The following DCC variants were observed in gnomAD, a reference collection of about 807,000 sequenced individuals.
DCC encodes DCC netrin 1 receptor.
DCC carries 58 observed loss-of-function variants against 172.5 expected under a neutral mutation model. That is an observed-to-expected ratio of 0.34 (90% confidence interval 0.27 to 0.42). DCC has a LOEUF of 0.42. Among genes scored for constraint, DCC ranks in the 10% least tolerant of loss-of-function variants. DCC has a pLI of 1.00. For missense variants in DCC, 1,740 were observed against 1,791.0 expected, an observed-to-expected ratio of 0.97 and a Z score of 0.51; for synonymous variants, 709 against 644.5, an observed-to-expected ratio of 1.10 and a Z score of -1.52.
At position 52,752,042 on chromosome 18, in the gene DCC, C is replaced by T. The variant is rs886274537; in HGVS notation, c.92-12C>T. On this transcript the variant is annotated splice_polypyrimidine_tract_variant and intron_variant, in intron 1 of 28. Coordinates refer to ENST00000442544, the MANE Select transcript of DCC (RefSeq NM_005215.4). ...ATACATGAACATATTTCCCTGTGCT[C>T]TCTTGTTCCAGGTTTTCAAATTAAA... The T allele has an allele frequency of 1.2e-6, 2 of 1,610,978 alleles. No individual in the cohort carries two copies. Among genetic ancestry groups the T allele is most frequent in the Non-Finnish European group, 1.7e-6 (2 of 1,177,272 alleles).
intron 3 of DCC, among the ~76,000 whole-genome samples, chr18:52,913,993 C>T (rs16955838): frequency 1.8e-4 from 27 of 152,048 alleles, no homozygotes; most frequent in Non-Finnish European, 3.8e-4. Flanking sequence ...TGATTCAACA[C>T]TGACAAAATG....
intron 2 of DCC, among the ~76,000 whole-genome samples, chr18:52,856,639 A>AAAAAG (rs1555673743): frequency 6.7e-6 from 1 of 150,358 alleles, no homozygotes; most frequent in African/African-American, 2.5e-5. Context: ...AAAAAAAAAA[A>AAAAAG]AAAAGAAAAC....
At chr18:52,530,892 A>C (rs2032129600) in intron 1 of DCC, among the ~76,000 whole-genome samples, 1 of 152,230 alleles carries the variant, frequency 6.6e-6, no homozygotes, top group Non-Finnish European at 1.5e-5. Context: ...AATTATTTTA[A>C]CAGGCTTTAG....
At chr18:53,420,849 A>AT (rs935332910) in intron 21 of DCC, among the ~76,000 whole-genome samples, 1 of 152,076 alleles carries the variant, frequency 6.6e-6, no homozygotes, top group African/African-American at 2.4e-5. Context: ...TCCTTCACTA[A>AT]TTTTTTCCCA....
At chr18:52,399,680 G>T (rs1202336404) in intron 1 of DCC, among the ~76,000 whole-genome samples, 1 of 151,838 alleles carries the variant, frequency 6.6e-6, no homozygotes, top group African/African-American at 2.4e-5. Flanking sequence ...TGAAACAGAG[G>T]TATTTGTTCT....
At chr18:52,424,861 A>G (rs1349282828) in intron 1 of DCC, among the ~76,000 whole-genome samples, 3 of 151,774 alleles carry the variant, frequency 2.0e-5, no homozygotes, top group Admixed American at 6.6e-5. Flanking sequence ...TATCTTATTT[A>G]TGTTATATTT....
chr18:52,852,875 T>C (rs890189499), intron 2 of DCC, among the ~76,000 whole-genome samples: 1 of 152,198 alleles, frequency 6.6e-6, no homozygotes, highest in Non-Finnish European at 1.5e-5. Flanking sequence ...TCATTTGGTC[T>C]ACCCAGCTGC....
intron 1 of DCC, among the ~76,000 whole-genome samples, chr18:52,474,359 T>C (rs544236454): frequency 1.3e-5 from 2 of 152,088 alleles, no homozygotes; most frequent in East Asian, 1.9e-4. Flanking sequence ...ATAAGACTCA[T>C]TAAAAGAGGG....
chr18:52,639,500 A>G (rs1034984821), intron 1 of DCC, among the ~76,000 whole-genome samples: 2 of 152,192 alleles, frequency 1.3e-5, no homozygotes, highest in African/African-American at 4.8e-5. Context: ...GCACTGAAAT[A>G]CAAGAGATCA....
At chr18:52,759,890 C>T (rs878939099) in intron 2 of DCC, among the ~76,000 whole-genome samples, 1 of 152,164 alleles carries the variant, frequency 6.6e-6, no homozygotes, top group Admixed American at 6.5e-5. Context: ...CTAGGGAAAG[C>T]TTTATATTTT....
At chr18:52,465,159 TA>T (rs1451864147) in intron 1 of DCC, among the ~76,000 whole-genome samples, 3 of 152,146 alleles carry the variant, frequency 2.0e-5, no homozygotes, top group Non-Finnish European at 4.4e-5. Context: ...GTAGCTCTTC[TA>T]AGCTTTTAAT....
intron 1 of DCC, among the ~76,000 whole-genome samples, chr18:52,438,128 G>C (rs1987856221): frequency 6.6e-6 from 1 of 152,194 alleles, no homozygotes; most frequent in Non-Finnish European, 1.5e-5. Flanking sequence ...CCAGGGGCCA[G>C]AGTTTCTTAC....
At chr18:52,669,845 AAAAAC>A (rs906701436) in intron 1 of DCC, among the ~76,000 whole-genome samples, 14 of 150,522 alleles carry the variant, frequency 9.3e-5, no homozygotes, top group African/African-American at 1.7e-4. Flanking sequence ...AAGCGTTTGA[AAAAAC>A]AAAACAAAAC....
At chr18:53,486,990 C>A in intron 26 of DCC, 32 bp downstream of exon 26, 1 of 1,613,350 alleles carries the variant, frequency 6.2e-7, no homozygotes, top group Non-Finnish European at 8.5e-7. Flanking sequence ...TTAATAAGCA[C>A]AAATGAATAA....
chr18:53,438,333 A>G (rs144100870), intron 22 of DCC, among the ~76,000 whole-genome samples: 1 of 152,306 alleles, frequency 6.6e-6, no homozygotes, highest in Non-Finnish European at 1.5e-5. Context: ...AAGCTTGGGC[A>G]AATGTAAGCC....
chr18:52,400,790 G>T (rs1005690485), intron 1 of DCC, among the ~76,000 whole-genome samples: 11 of 152,050 alleles, frequency 7.2e-5, no homozygotes, highest in Non-Finnish European at 1.3e-4. Flanking sequence ...CATGTCCTTT[G>T]CAGGGACATG....
At chr18:52,378,037 T>C (rs919588340) in intron 1 of DCC, among the ~76,000 whole-genome samples, 1 of 152,022 alleles carries the variant, frequency 6.6e-6, no homozygotes, top group Non-Finnish European at 1.5e-5. Context: ...CTTGGTTTTC[T>C]AGGATTCCCC....
Position 53,207,618 on chromosome 18 carries a change from G to T in DCC, c.1723-61G>T, listed in dbSNP as rs2055673648. Reference sequence around the variant, plus strand: ...GTCCAATTCACTGATTGCACAGAATGAGTGCCATTTCTACTTTAATGTGCT... The same window carrying T: ...GTCCAATTCACTGATTGCACAGAATTAGTGCCATTTCTACTTTAATGTGCT... On this transcript the variant is annotated intron_variant, in intron 10 of 28. Transcript: ENST00000442544. The T allele has an allele frequency of 7.6e-6, 11 of 1,456,832 alleles. No individual in the cohort carries two copies. In the South Asian group the frequency reaches 1.1e-4, roughly 15 times the overall value. 90.2% of individuals were successfully genotyped at this position (1,456,832 alleles called of 1,614,324 possible).
chr18:53,382,666 C>T (rs760265425), intron 15 of DCC, among the ~76,000 whole-genome samples: 3 of 152,060 alleles, frequency 2.0e-5, no homozygotes, highest in African/African-American at 7.2e-5. Flanking sequence ...GATCTCAAAG[C>T]GCATTTAACA....
Sources: gnomAD v4.1 joint callset for allele counts (sites outside exome capture counted in the v4.1 genomes callset) on GRCh38, gnomAD v4.1.1 for gene constraint, MANE v1.5 for transcripts, NCBI Gene and HGNC (gene_info 2026-07-23, HGNC 2026-07-21) for gene names.